Variants in RIMS2 observed in about 807,000 individuals in gnomAD.
RIMS2 encodes regulating synaptic membrane exocytosis protein 2.
A neutral mutation model predicts 174.4 loss-of-function variants in RIMS2; 59 were observed. The ratio of observed to expected loss-of-function variants is 0.34; its 90% confidence interval spans 0.27 to 0.42. The LOEUF (loss-of-function observed/expected upper bound fraction) is 0.42. Ranked by LOEUF, RIMS2 falls within the 10% of genes least tolerant of loss-of-function variation. RIMS2 has a pLI of 1.00. For synonymous variants in RIMS2, 606 were observed against 572.5 expected, an observed-to-expected ratio of 1.06 and a Z score of -0.84; for missense variants, 1,620 against 1,666.3, an observed-to-expected ratio of 0.97 and a Z score of 0.48.
chr8:104,156,686 T>C (rs1383124813), intron 19 of RIMS2, among the ~76,000 whole-genome samples: 2 of 152,178 alleles, frequency 1.3e-5, no homozygotes, highest in Non-Finnish European at 2.9e-5. Flanking sequence ...TTTACAGAAC[T>C]AGAAGTGAGA....
intron 1 of RIMS2, chr8:103,652,706 C>G: frequency 1.5e-6 from 2 of 1,345,474 alleles, no homozygotes; most frequent in Non-Finnish European, 2.0e-6. Flanking sequence ...AAAGGAGCCC[C>G]AGACGTAAGT....
At chr8:103,568,929 A>G (rs2092595357) in intron 1 of RIMS2, 3 of 850,672 alleles carry the variant, frequency 3.5e-6, no homozygotes, top group Non-Finnish European at 5.9e-6. Flanking sequence ...GGCATTGCAA[A>G]ACTGATCTGA....
intron 19 of RIMS2, among the ~76,000 whole-genome samples, chr8:104,227,964 T>C (rs2099198820): frequency 6.6e-6 from 1 of 151,618 alleles, no homozygotes; most frequent in Non-Finnish European, 1.5e-5. Context: ...TAAAATTGAC[T>C]AAATAAACTG....
chr8:103,731,164 G>C (rs1372282419), intron 2 of RIMS2, among the ~76,000 whole-genome samples: 1 of 152,144 alleles, frequency 6.6e-6, no homozygotes, highest in Non-Finnish European at 1.5e-5. Flanking sequence ...GGAATTGTGG[G>C]AGCTACAATT....
chr8:104,001,608 CT>C (rs148252820), intron 17 of RIMS2, among the ~76,000 whole-genome samples: 1 of 151,676 alleles, frequency 6.6e-6, no homozygotes, highest in African/African-American at 2.4e-5. Flanking sequence ...GTAACTTTCT[CT>C]TTTTTTTATC....
chr8:103,629,290 C>T (rs565964934), intron 1 of RIMS2, among the ~76,000 whole-genome samples: 10 of 152,308 alleles, frequency 6.6e-5, no homozygotes, highest in African/African-American at 2.4e-4. Context: ...TTATAATCTG[C>T]ATATGAAGTC....
intron 1 of RIMS2, among the ~76,000 whole-genome samples, chr8:103,623,853 G>A (rs1396318883): frequency 6.6e-6 from 1 of 151,848 alleles, no homozygotes; most frequent in East Asian, 1.9e-4. Flanking sequence ...TCAGACCTCT[G>A]CCTCTAGGGA....
chr8:103,794,990 C>A (rs558076339), intron 3 of RIMS2, among the ~76,000 whole-genome samples: 174 of 152,300 alleles, frequency 1.1e-3, no homozygotes, highest in Non-Finnish European at 2.1e-3. Flanking sequence ...GTTGGTGGGA[C>A]TGTAAACTAG....
At chr8:103,509,331 C>T (rs1409154618) in intron 1 of RIMS2, among the ~76,000 whole-genome samples, 1 of 152,026 alleles carries the variant, frequency 6.6e-6, no homozygotes, top group African/African-American at 2.4e-5. Context: ...TTCCCTACTC[C>T]CATTGATAAC....
At chr8:104,061,414 C>T (rs4446704) in intron 19 of RIMS2, among the ~76,000 whole-genome samples, 37,327 of 151,822 alleles carry the variant, frequency 0.25, 4,832 homozygotes, top group South Asian at 0.35. Context: ...TAAAGCAAGT[C>T]GTGTATCTTG....
chr8:104,055,248 T>A (rs1435953910), intron 19 of RIMS2, among the ~76,000 whole-genome samples: 1 of 152,152 alleles, frequency 6.6e-6, no homozygotes, highest in Non-Finnish European at 1.5e-5. Flanking sequence ...TAATTTAAAT[T>A]TAGTTCACAA....
chr8:103,668,430 A>G (rs2096702327), intron 1 of RIMS2, among the ~76,000 whole-genome samples: 1 of 152,206 alleles, frequency 6.6e-6, no homozygotes, highest in African/African-American at 2.4e-5. Context: ...TATAACCAGA[A>G]TATATGCATT....
rs1442901033 is a variant in RIMS2 at position 103,776,293 on chromosome 8, G to C, written c.698+9756G>C. ...AGGTACCACTACTAAAACGAAGTGT[G>C]ATAGAAAGATCTTTGGTGGTGGTGG... On this transcript the variant is annotated intron_variant, in intron 3 of 23. Transcript: ENST00000504942. 3.3e-5 allele frequency among the ~76,000 whole-genome samples: 5 copies of C among 152,088 alleles called. No individual in the cohort carries two copies. The East Asian group carries it at 9.6e-4, about 29-fold the overall frequency.
At chr8:103,945,408 G>T (rs958151994) in intron 14 of RIMS2, among the ~76,000 whole-genome samples, 1 of 151,994 alleles carries the variant, frequency 6.6e-6, no homozygotes. Context: ...TGATAAGAAA[G>T]AGAAAGGGAA....
At chr8:104,023,744 T>A (rs1199842252) in intron 19 of RIMS2, among the ~76,000 whole-genome samples, 2 of 152,116 alleles carry the variant, frequency 1.3e-5, no homozygotes, top group Non-Finnish European at 2.9e-5. Context: ...CTCATCCTTA[T>A]AAAGAGGTAT....
intron 19 of RIMS2, among the ~76,000 whole-genome samples, chr8:104,115,677 A>G (rs1191491437): frequency 1.3e-5 from 2 of 152,162 alleles, no homozygotes; most frequent in African/African-American, 4.8e-5. Context: ...GGACTGGGGA[A>G]CTCAAACTTA....
intron 2 of RIMS2, among the ~76,000 whole-genome samples, chr8:103,717,208 A>C (rs181935413): frequency 4.1e-4 from 54 of 130,614 alleles, no homozygotes; most frequent in African/African-American, 1.5e-3. Context: ...TTAGTTACTC[A>C]GTTGGGGATG....
At chr8:103,961,071 A>C in exon 15 of RIMS2, 1 of 1,474,718 alleles carries the variant, frequency 6.8e-7, no homozygotes, top group Non-Finnish European at 9.5e-7. Context: ...ATAGGGTCAA[A>C]GAGAATAAGT....
intron 19 of RIMS2, among the ~76,000 whole-genome samples, chr8:104,103,409 A>T (rs1213558766): frequency 6.6e-6 from 1 of 152,172 alleles, no homozygotes; most frequent in Admixed American, 6.5e-5. Flanking sequence ...TTAAATGCCA[A>T]AAAATGTCTC....
Sources: gnomAD v4.1 joint callset for allele counts (sites outside exome capture counted in the v4.1 genomes callset) on GRCh38, gnomAD v4.1.1 for gene constraint, MANE v1.5 for transcripts, NCBI Gene and HGNC (gene_info 2026-07-23, HGNC 2026-07-21) for gene names.